Variants in ARL15 observed in about 807,000 individuals in gnomAD.
ARL15 encodes the protein ADP-ribosylation factor-like protein 15.
ARL15 carries 19 observed loss-of-function variants against 25.2 expected under a neutral mutation model. The ratio of observed to expected loss-of-function variants is 0.75; its 90% CI spans 0.53 to 1.10. The LOEUF (loss-of-function observed/expected upper bound fraction) is 1.10. Among genes scored for constraint, ARL15 ranks in the 50% least tolerant of loss-of-function variants. The probability of loss-of-function intolerance (pLI) is 0.00; values close to 1 mark genes in which losing one functional copy is unlikely to be tolerated. For missense variants in ARL15, 220 were observed against 246.0 expected, an observed-to-expected ratio of 0.89 and a Z score of 0.71; for synonymous variants, 94 against 86.8, an observed-to-expected ratio of 1.08 and a Z score of -0.46.
chr5:54,224,871 T>C (rs1322828383), intron 1 of ARL15, among the ~76,000 whole-genome samples: 1 of 152,194 alleles, frequency 6.6e-6, no homozygotes, highest in Non-Finnish European at 1.5e-5. Flanking sequence ...TTCTCAAATA[T>C]GTGCAGTTAA....
chr5:54,101,865 T>C (rs1752447906), intron 4 of ARL15, among the ~76,000 whole-genome samples: 1 of 152,176 alleles, frequency 6.6e-6, no homozygotes, highest in Non-Finnish European at 1.5e-5. Flanking sequence ...TCAAAGTTAA[T>C]ATGCAAAATT....
intron 4 of ARL15, among the ~76,000 whole-genome samples, chr5:53,990,923 T>C (rs1748468805): frequency 6.6e-6 from 1 of 152,226 alleles, no homozygotes; most frequent in African/African-American, 2.4e-5. Context: ...TTGCCTTTTG[T>C]GGCTTATTCC....
intron 4 of ARL15, among the ~76,000 whole-genome samples, chr5:54,111,507 G>A (rs1752739282): frequency 6.6e-6 from 1 of 152,056 alleles, no homozygotes; most frequent in African/African-American, 2.4e-5. Flanking sequence ...TAAGTCATAT[G>A]TTAGGTTTAA....
At chr5:54,256,674 G>A (rs1178324640) in intron 1 of ARL15, among the ~76,000 whole-genome samples, 8 of 149,180 alleles carry the variant, frequency 5.4e-5, no homozygotes, top group Non-Finnish European at 1.2e-4. Context: ...GATGAACACA[G>A]ATGCAAAAAA....
intron 3 of ARL15, among the ~76,000 whole-genome samples, chr5:54,130,850 G>C (rs1242491007): frequency 6.6e-6 from 1 of 152,156 alleles, no homozygotes; most frequent in Non-Finnish European, 1.5e-5. Context: ...TGGCACTCTA[G>C]GTAGTTGATT....
At chr5:54,282,653 A>G (rs1758090238) in intron 1 of ARL15, 2 of 775,164 alleles carry the variant, frequency 2.6e-6, no homozygotes, top group South Asian at 1.2e-4. Context: ...CATTTTAATA[A>G]TAAATATTTG....
intron 4 of ARL15, among the ~76,000 whole-genome samples, chr5:53,911,360 C>A (rs1332281042): frequency 6.6e-6 from 1 of 151,982 alleles, no homozygotes; most frequent in Non-Finnish European, 1.5e-5. Context: ...TTCCTTCTTT[C>A]CTTTGTCCTT....
intron 4 of ARL15, among the ~76,000 whole-genome samples, chr5:53,990,026 G>A (rs1748432663): frequency 6.6e-6 from 1 of 152,082 alleles, no homozygotes; most frequent in Non-Finnish European, 1.5e-5. Context: ...TTGAGTCTGG[G>A]AGTTCAAAAC....
At position 53,963,805 on chromosome 5, in the gene ARL15, T is replaced by TCACACA. The variant is rs60458728; in HGVS notation, c.463-77098_463-77093dup. On this transcript the variant is annotated intron_variant, in intron 4 of 4. Transcript: ENST00000504924. The stretch of plus-strand genomic sequence containing the variant: ...CCTGGGAGACAAGAGTGAAACTCCA[T>TCACACA]CACACACACACACACACACACACAC... Among the ~76,000 whole-genome samples, 842 of 143,216 alleles carry TCACACA rather than the reference T, an allele frequency of 5.9e-3. 5 individuals carry two copies. Among genetic ancestry groups the TCACACA allele is most frequent in the Middle Eastern group, 0.025 (7 of 280 alleles). 94.0% of individuals were successfully genotyped at this position (143,216 alleles called of 152,430 possible). A position where few individuals can be genotyped will look rare whatever the true frequency, so the allele number is the denominator to read the frequency against.
At chr5:54,031,284 C>T (rs1749975389) in intron 4 of ARL15, among the ~76,000 whole-genome samples, 1 of 152,156 alleles carries the variant, frequency 6.6e-6, no homozygotes, top group African/African-American at 2.4e-5. Context: ...TAACTTGATG[C>T]TCAGACCATT....
chr5:54,122,459 C>A (rs556227360), intron 3 of ARL15, among the ~76,000 whole-genome samples: 1 of 152,238 alleles, frequency 6.6e-6, no homozygotes. Context: ...TATACGCATA[C>A]CTTTGAGAGA....
intron 4 of ARL15, among the ~76,000 whole-genome samples, chr5:53,948,291 T>C (rs1433216005): frequency 1.3e-5 from 2 of 152,224 alleles, no homozygotes; most frequent in Admixed American, 6.5e-5. Context: ...TTAGTAAACT[T>C]TACCCCACCT....
chr5:54,074,639 G>C (rs1189182705), intron 4 of ARL15, among the ~76,000 whole-genome samples: 2 of 152,220 alleles, frequency 1.3e-5, no homozygotes, highest in African/African-American at 4.8e-5. Context: ...GTGTTATTAA[G>C]AAAAGGCACA....
chr5:54,006,171 A>G (rs980325539), intron 4 of ARL15, among the ~76,000 whole-genome samples: 3 of 151,822 alleles, frequency 2.0e-5, no homozygotes, highest in Non-Finnish European at 4.4e-5. Flanking sequence ...GGTTCCATCC[A>G]TGGTCTTAGT....
intron 4 of ARL15, among the ~76,000 whole-genome samples, chr5:54,099,443 T>G (rs1752375915): frequency 6.6e-6 from 1 of 152,162 alleles, no homozygotes; most frequent in Admixed American, 6.5e-5. Flanking sequence ...GTAAAATAAG[T>G]TAACTGCTTA....
At chr5:53,984,638 G>A (rs193169650) in intron 4 of ARL15, among the ~76,000 whole-genome samples, 1 of 151,854 alleles carries the variant, frequency 6.6e-6, no homozygotes, top group Non-Finnish European at 1.5e-5. Context: ...GTATTACCTG[G>A]TAATAACTAT....
At chr5:53,981,341 C>T (rs1031426485) in intron 4 of ARL15, among the ~76,000 whole-genome samples, 3 of 151,734 alleles carry the variant, frequency 2.0e-5, no homozygotes, top group Non-Finnish European at 2.9e-5. Flanking sequence ...AAATTTTATC[C>T]CAGTGCAATG....
At chr5:53,995,587 T>C (rs1248726402) in intron 4 of ARL15, among the ~76,000 whole-genome samples, 2 of 152,224 alleles carry the variant, frequency 1.3e-5, no homozygotes, top group Non-Finnish European at 2.9e-5. Flanking sequence ...AAAATAGCTA[T>C]AGATTACTCA....
At chr5:54,178,253 T>A (rs1466742861) in intron 1 of ARL15, among the ~76,000 whole-genome samples, 2 of 152,216 alleles carry the variant, frequency 1.3e-5, no homozygotes, top group Non-Finnish European at 2.9e-5. Context: ...TTGTTTCAAT[T>A]GATGCTCTGT....
Sources: gnomAD v4.1 joint callset for allele counts (sites outside exome capture counted in the v4.1 genomes callset) on GRCh38, gnomAD v4.1.1 for gene constraint, MANE v1.5 for transcripts, NCBI Gene and HGNC (gene_info 2026-07-23, HGNC 2026-07-21) for gene names.